The following LRP1B variants were observed in gnomAD, a reference collection of about 807,000 sequenced individuals.
The protein encoded by LRP1B is low-density lipoprotein receptor-related protein 1B.
In LRP1B, 217 loss-of-function variants were observed where a neutral mutation model predicts 556.6. That is an observed-to-expected ratio of 0.39 (90% CI 0.35 to 0.44). LRP1B has a LOEUF of 0.44. LRP1B is among the 20% of genes least tolerant of loss of function. LRP1B has a pLI of 1.00. For synonymous variants in LRP1B, 2,047 were observed against 1,865.8 expected, an observed-to-expected ratio of 1.10 and a Z score of -2.50; for missense variants, 5,053 against 5,620.8, an observed-to-expected ratio of 0.90 and a Z score of 3.23.
intron 60 of LRP1B, among the ~76,000 whole-genome samples, chr2:140,466,356 G>A (rs1222664322): frequency 6.6e-6 from 1 of 151,886 alleles, no homozygotes; most frequent in East Asian, 1.9e-4. Context: ...AACACTGCAT[G>A]GGTTATGATT....
chr2:141,428,270 C>A (rs1680443233), intron 3 of LRP1B, among the ~76,000 whole-genome samples: 1 of 152,114 alleles, frequency 6.6e-6, no homozygotes, highest in Non-Finnish European at 1.5e-5. Context: ...ATGACTGATG[C>A]ATTTGCAGTT....
intron 86 of LRP1B, among the ~76,000 whole-genome samples, chr2:140,268,992 CTAAT>C (rs1418425761): frequency 2.0e-5 from 3 of 152,040 alleles, no homozygotes; most frequent in East Asian, 1.9e-4. Flanking sequence ...CTGTACTTCT[CTAAT>C]TAAAAGCTAC....
rs193051156 is a variant in LRP1B, at chr2:142,124,828, T to C, written c.82+5820A>G. Among the ~76,000 whole-genome samples, 1,050 of 151,972 alleles carry C rather than the reference T, an allele frequency of 6.9e-3. 10 individuals carry two copies. Among genetic ancestry groups the C allele is most frequent in the Middle Eastern group, 0.054 (16 of 294 alleles). On this transcript the variant is annotated intron_variant, in intron 1 of 90. Transcript: ENST00000389484. ...GTTGCATAATTCTTTCAGGGAAATA[T>C]GTTGTTGTTATTGTTTCTTCATAGA...
intron 35 of LRP1B, among the ~76,000 whole-genome samples, chr2:140,735,610 G>A (rs1687920507): frequency 6.6e-6 from 1 of 152,230 alleles, no homozygotes; most frequent in East Asian, 1.9e-4. Flanking sequence ...GAGGGGTTTG[G>A]CTCCTGAAAT....
At chr2:140,709,199 C>T (rs762854953) in intron 37 of LRP1B, among the ~76,000 whole-genome samples, 14 of 151,970 alleles carry the variant, frequency 9.2e-5, no homozygotes, top group Non-Finnish European at 1.6e-4. Flanking sequence ...AGAGAGAAAA[C>T]ATGTATCCTG....
chr2:140,820,721 G>T (rs1376944077), intron 31 of LRP1B, among the ~76,000 whole-genome samples: 2 of 151,874 alleles, frequency 1.3e-5, no homozygotes, highest in Non-Finnish European at 1.5e-5. Context: ...TAAAGCACTG[G>T]ATTGTGTCAC....
chr2:140,747,319 T>G (rs146020569), intron 35 of LRP1B, among the ~76,000 whole-genome samples: 1 of 152,306 alleles, frequency 6.6e-6, no homozygotes, highest in East Asian at 1.9e-4. Context: ...CTGGAACAGT[T>G]AGGATTCCTT....
intron 1 of LRP1B, among the ~76,000 whole-genome samples, chr2:141,872,616 A>G (rs889312571): frequency 5.9e-5 from 9 of 152,010 alleles, no homozygotes; most frequent in African/African-American, 2.2e-4. Context: ...TTCAGTTTTA[A>G]GTAGTTTACT....
intron 2 of LRP1B, among the ~76,000 whole-genome samples, chr2:141,795,044 T>C (rs1056572528): frequency 6.6e-6 from 1 of 152,088 alleles, no homozygotes; most frequent in Non-Finnish European, 1.5e-5. Context: ...TAAATTGTAT[T>C]AATTGATTTT....
At chr2:141,692,814 T>C (rs766867658) in intron 2 of LRP1B, among the ~76,000 whole-genome samples, 3 of 152,004 alleles carry the variant, frequency 2.0e-5, no homozygotes, top group Admixed American at 1.3e-4. Flanking sequence ...CTTAACACTC[T>C]CAGCAACTGT....
chr2:141,568,726 C>G (rs1246738968), intron 2 of LRP1B, among the ~76,000 whole-genome samples: 2 of 151,068 alleles, frequency 1.3e-5, no homozygotes, highest in African/African-American at 4.8e-5. Context: ...TTCATTTAGT[C>G]AGTCATCAAA....
intron 3 of LRP1B, among the ~76,000 whole-genome samples, chr2:141,333,022 T>C (rs1687714361): frequency 6.6e-6 from 1 of 152,064 alleles, no homozygotes; most frequent in Non-Finnish European, 1.5e-5. Flanking sequence ...TTTTAAAATC[T>C]TTTTTTAACA....
chr2:141,738,126 T>G (rs1331011429), intron 2 of LRP1B, among the ~76,000 whole-genome samples: 2 of 152,050 alleles, frequency 1.3e-5, no homozygotes, highest in Non-Finnish European at 2.9e-5. Flanking sequence ...CTTCAGGAAA[T>G]AGAAAGCTAC....
At chr2:142,108,767 T>C (rs1706851804) in intron 1 of LRP1B, among the ~76,000 whole-genome samples, 4 of 152,206 alleles carry the variant, frequency 2.6e-5, no homozygotes. Context: ...TTGCCATTAG[T>C]ACATATTTAC....
At chr2:141,476,780 T>C (rs2105081518) in intron 3 of LRP1B, among the ~76,000 whole-genome samples, 1 of 152,218 alleles carries the variant, frequency 6.6e-6, no homozygotes, top group African/African-American at 2.4e-5. Context: ...CTTATTAGTT[T>C]TATAAAGGAT....
chr2:141,355,637 C>A (rs112554411), intron 3 of LRP1B, among the ~76,000 whole-genome samples: 3,326 of 152,156 alleles, frequency 0.022, 63 homozygotes, highest in Non-Finnish European at 0.033. Flanking sequence ...TTGTAGCCTT[C>A]TTTTGTACAC....
At chr2:140,720,539 A>C (rs1687364757) in intron 35 of LRP1B, among the ~76,000 whole-genome samples, 1 of 152,210 alleles carries the variant, frequency 6.6e-6, no homozygotes, top group East Asian at 1.9e-4. Context: ...ACAAGGAAAG[A>C]CCTTTTGACA....
intron 2 of LRP1B, among the ~76,000 whole-genome samples, chr2:141,571,251 G>A (rs1432851277): frequency 6.6e-6 from 1 of 150,862 alleles, no homozygotes; most frequent in Non-Finnish European, 1.5e-5. Flanking sequence ...ACATCTCCAG[G>A]CACAGGAGTG....
chr2:141,512,958 A>G (rs1559113912), intron 2 of LRP1B, among the ~76,000 whole-genome samples: 2 of 152,158 alleles, frequency 1.3e-5, no homozygotes. Context: ...TACCGCATTA[A>G]AGAAAGCCAG....
Sources: allele counts gnomAD v4.1 joint callset (sites outside exome capture counted in the v4.1 genomes callset), GRCh38; gene constraint gnomAD v4.1.1; transcripts MANE v1.5; gene names NCBI Gene and HGNC (gene_info 2026-07-23, HGNC 2026-07-21).